CSMD2: variants seen among roughly 807,000 people sequenced by gnomAD.
The protein encoded by CSMD2 is CUB and Sushi multiple domains 2.
CSMD2 carries 130 observed loss-of-function variants against 398.5 expected under a neutral mutation model. The observed-to-expected ratio is 0.33, with a 90% confidence interval of 0.28 to 0.38. The LOEUF (loss-of-function observed/expected upper bound fraction) is 0.38. CSMD2 is among the 10% of genes least tolerant of loss of function. The pLI is 1.00. For missense variants in CSMD2, 3,829 were observed against 4,764.9 expected, an observed-to-expected ratio of 0.80 and a Z score of 5.78; for synonymous variants, 1,828 against 1,908.5, an observed-to-expected ratio of 0.96 and a Z score of 1.10.
chr1:33,962,684 A>C lies in CSMD2; in HGVS notation c.518-26730T>G, dbSNP rs572351163. ...CTTGCTCCAGCCTCTGGACCTTTGT[A>C]CTTGCAGCTCCCTCTGCCTGGAATA... On this transcript the variant is annotated intron_variant, in intron 3 of 70. Coordinates refer to ENST00000373381, the MANE Select transcript of CSMD2 (RefSeq NM_001281956.2). Among the ~76,000 whole-genome samples, 3 of 151,954 alleles carry C rather than the reference A, an allele frequency of 2.0e-5. No homozygotes were observed. The South Asian group carries it at 6.3e-4, about 32-fold the overall frequency.
intron 53 of CSMD2, among the ~76,000 whole-genome samples, chr1:33,562,072 CT>C (rs1481338763): frequency 6.6e-6 from 1 of 152,156 alleles, no homozygotes; most frequent in Admixed American, 6.5e-5. Flanking sequence ...AAGCAAAAAG[CT>C]CTACAGGAGG....
chr1:33,778,860 A>T (rs1652341684), intron 12 of CSMD2, among the ~76,000 whole-genome samples: 1 of 152,122 alleles, frequency 6.6e-6, no homozygotes, highest in Admixed American at 6.5e-5. Context: ...AGGTTGTTCA[A>T]ATCTGGGAGT....
intron 1 of CSMD2, among the ~76,000 whole-genome samples, chr1:34,156,045 T>C (rs1226601588): frequency 6.6e-6 from 1 of 152,178 alleles, no homozygotes; most frequent in Non-Finnish European, 1.5e-5. Context: ...TCAGCCCTTC[T>C]AGGAATGCAC....
intron 1 of CSMD2, among the ~76,000 whole-genome samples, chr1:34,094,453 C>T (rs928833378): frequency 6.6e-6 from 1 of 151,980 alleles, no homozygotes; most frequent in East Asian, 1.9e-4. Context: ...AATTAAAAGA[C>T]ACAGACTGGC....
rs78432858 is a variant in CSMD2, at chr1:33,903,661, G to T, written c.920+14433C>A. Among the ~76,000 whole-genome samples the T allele has an allele frequency of 9.9e-4, 151 of 152,194 alleles. 2 individuals are homozygous for T. The East Asian group carries it at 0.026, about 26-fold the overall frequency. ...AAGATGCACATTAGGGGCTTGTCAC[G>T]GTTCTGCTGGCAATGGCAGGGGAGG... On this transcript the variant is annotated intron_variant, in intron 5 of 70. Coordinates refer to ENST00000373381, the MANE Select transcript of CSMD2 (RefSeq NM_001281956.2).
chr1:33,854,918 T>C lies in CSMD2; in HGVS notation c.921-7922A>G, dbSNP rs148743556. Among the ~76,000 whole-genome samples, 262 of 152,256 alleles carry C rather than the reference T, an allele frequency of 1.7e-3. 2 individuals carry two copies. Among genetic ancestry groups the C allele is most frequent in the African/African-American group, 6.0e-3 (251 of 41,546 alleles). On this transcript the variant is annotated intron_variant, in intron 5 of 70. Transcript: ENST00000373381. ...GTCTTGTGTATGGGGTGGTGGCATA[T>C]TGCGAAGGTCTAGGGGTGGCTTGGT...
rs565832770 is a variant in CSMD2, at chr1:33,514,326, AAT to A, written c.*2296_*2297del. 1 of 152,006 alleles carries A rather than the reference AAT, an allele frequency of 6.6e-6. No homozygotes were observed. The highest frequency in any genetic ancestry group is 1.9e-4 in the East Asian group (1 of 5,166). 9.4% of individuals were successfully genotyped at this position (152,006 alleles called of 1,614,324 possible). A position where few individuals can be genotyped will look rare whatever the true frequency, so the allele number is the denominator to read the frequency against. On this transcript the variant is annotated 3_prime_UTR_variant, in exon 71 of 71. Transcript: ENST00000373381. ...TACTGTACAAACTTTGTATAATAAAAATATATCTCTGTACAAAAGATTTTTTT... is the reference window on the plus strand; with the variant it reads ...TACTGTACAAACTTTGTATAATAAAAATATCTCTGTACAAAAGATTTTTTT...
At chr1:33,681,222 C>T (rs764767174) in intron 25 of CSMD2, among the ~76,000 whole-genome samples, 6 of 152,032 alleles carry the variant, frequency 3.9e-5, no homozygotes, top group African/African-American at 1.4e-4. Flanking sequence ...CCACGCCTGG[C>T]TGTGTTTTAT....
chr1:33,717,039 T>C (rs1646194806), intron 19 of CSMD2, among the ~76,000 whole-genome samples: 1 of 151,826 alleles, frequency 6.6e-6, no homozygotes, highest in Admixed American at 6.6e-5. Flanking sequence ...GAGTAAACAA[T>C]TGACATGGAT....
intron 37 of CSMD2, among the ~76,000 whole-genome samples, chr1:33,619,323 G>T (rs1031956350): frequency 6.6e-6 from 1 of 152,196 alleles, no homozygotes; most frequent in Non-Finnish European, 1.5e-5. Flanking sequence ...GCTCCTTTGG[G>T]GGATACAGGC....
At chr1:33,558,209 T>C (rs1295447990) in intron 54 of CSMD2, among the ~76,000 whole-genome samples, 1 of 151,646 alleles carries the variant, frequency 6.6e-6, no homozygotes, top group Non-Finnish European at 1.5e-5. Context: ...GTGCTGTGAC[T>C]TGTTTGAACA....
intron 1 of CSMD2, among the ~76,000 whole-genome samples, chr1:34,116,197 G>GT: frequency 6.6e-6 from 1 of 152,168 alleles, no homozygotes; most frequent in Non-Finnish European, 1.5e-5. Context: ...ACTATATGCT[G>GT]TCTACAAGAG....
intron 25 of CSMD2, among the ~76,000 whole-genome samples, chr1:33,690,410 T>C (rs1311664321): frequency 6.6e-6 from 1 of 152,208 alleles, no homozygotes; most frequent in East Asian, 1.9e-4. Context: ...GTCCTGCTTT[T>C]TCATTCCCCT....
chr1:33,600,906 C>T lies in CSMD2; in HGVS notation c.6815G>A (p.Arg2272His), dbSNP rs141079785. 1,343 of 1,614,126 alleles carry T rather than the reference C, an allele frequency of 8.3e-4. 2 individuals carry two copies. The highest frequency in any genetic ancestry group is 5.0e-3 in the African/African-American group (375 of 75,022). ...GAAGATCCCCCCTGTGGCTGCATCA[C>T]GGTGGAACTTGAGCAGGACCTGGTT... ...SSNQVLLKFH[R>H]DAATGGIFAI... Residue 2272 changes from arginine (R) to histidine (H), a missense_variant, in exon 44 of 71, where the codon CGT becomes CAT. Physicochemically the swap from Arg to His is conservative, Grantham distance 29. Coordinates refer to ENST00000373381, the MANE Select transcript of CSMD2 (RefSeq NM_001281956.2).
chr1:33,606,408 A>G (rs1486894786), intron 41 of CSMD2, among the ~76,000 whole-genome samples: 1 of 152,176 alleles, frequency 6.6e-6, no homozygotes, highest in Non-Finnish European at 1.5e-5. Flanking sequence ...TTTCCTGAGC[A>G]CTCACGTGGC....
chr1:33,669,729 G>C (rs894352059), intron 25 of CSMD2, among the ~76,000 whole-genome samples: 19 of 152,162 alleles, frequency 1.2e-4, no homozygotes, highest in African/African-American at 4.6e-4. Context: ...ATGTAATCAA[G>C]TTATGACAAG....
At chr1:33,673,074 C>T (rs1037935010) in intron 25 of CSMD2, among the ~76,000 whole-genome samples, 9 of 152,220 alleles carry the variant, frequency 5.9e-5, no homozygotes, top group South Asian at 4.1e-4. Flanking sequence ...TCCAAAGGAA[C>T]GCAGCTCCTC....
At chr1:34,018,827 T>C (rs1275841334) in intron 3 of CSMD2, among the ~76,000 whole-genome samples, 1 of 152,260 alleles carries the variant, frequency 6.6e-6, no homozygotes, top group Admixed American at 6.5e-5. Flanking sequence ...TGATTTTTAT[T>C]GTGCAGAACT....
rs543387896 is a variant in CSMD2, at chr1:33,797,024, T to C, written c.1447-4498A>G. On this transcript the variant is annotated intron_variant, in intron 10 of 70. Coordinates refer to ENST00000373381, the MANE Select transcript of CSMD2 (RefSeq NM_001281956.2). ...ATCTGAGGTCAGACCGGTTCTCTGCTCTCGAACCCTGTTTTCTGTTGTTTA... is the reference window on the plus strand; with the variant it reads ...ATCTGAGGTCAGACCGGTTCTCTGCCCTCGAACCCTGTTTTCTGTTGTTTA... 3.3e-5 allele frequency among the ~76,000 whole-genome samples: 5 copies of C among 152,272 alleles called. No homozygotes were observed. In the South Asian group the frequency reaches 6.2e-4, roughly 19 times the overall value.
Sources: gnomAD v4.1 joint callset for allele counts (sites outside exome capture counted in the v4.1 genomes callset) on GRCh38, gnomAD v4.1.1 for gene constraint, MANE v1.5 for transcripts, NCBI Gene and HGNC (gene_info 2026-07-23, HGNC 2026-07-21) for gene names.